DLG2: variants seen among roughly 807,000 people sequenced by gnomAD.
DLG2 encodes the protein discs large MAGUK scaffold protein 2.
A neutral mutation model predicts 132.5 loss-of-function variants in DLG2; 45 were observed. The observed-to-expected ratio is 0.34, with a 90% CI of 0.27 to 0.44. The LOEUF (loss-of-function observed/expected upper bound fraction) is 0.44. Ranked by LOEUF, DLG2 falls within the 20% of genes least tolerant of loss-of-function variation. The pLI, the probability that DLG2 is intolerant of heterozygous loss-of-function variation, is 1.00. For synonymous variants in DLG2, 424 were observed against 419.6 expected (o/e 1.01, Z -0.13); for missense variants, 1,045 against 1,196.9 (o/e 0.87, Z 1.87).
At chr11:84,959,553 T>C (rs925524751) in intron 6 of DLG2, among the ~76,000 whole-genome samples, 37 of 152,216 alleles carry the variant, frequency 2.4e-4, no homozygotes, top group African/African-American at 8.9e-4. Flanking sequence ...AGTCTTTTAC[T>C]TCTGCAGATC....
At chr11:84,943,038 C>T (rs1489234017) in intron 6 of DLG2, among the ~76,000 whole-genome samples, 1 of 151,916 alleles carries the variant, frequency 6.6e-6, no homozygotes, top group African/African-American at 2.4e-5. Context: ...AGTATAGTGA[C>T]TCCTGCTCTT....
chr11:84,410,875 C>T (rs2098898555), intron 7 of DLG2, among the ~76,000 whole-genome samples: 1 of 152,120 alleles, frequency 6.6e-6, no homozygotes, highest in South Asian at 2.1e-4. Flanking sequence ...CCACCGCACC[C>T]AGCCAAGTTA....
rs372757757 is a variant in DLG2 at position 84,739,825 on chromosome 11, T to C, written c.358-205094A>G. On this transcript the variant is annotated intron_variant, in intron 6 of 27. Transcript: ENST00000376104. Reference sequence around the variant, plus strand: ...CAAAACTATCTCACCTCTATGGGCATTGAAACTTATTTGAATAATATTTTA... The same window carrying C: ...CAAAACTATCTCACCTCTATGGGCACTGAAACTTATTTGAATAATATTTTA... Among the ~76,000 whole-genome samples the C allele has an allele frequency of 5.3e-5, 8 of 152,172 alleles. No individual in the cohort carries two copies. The East Asian group carries it at 1.2e-3, about 22-fold the overall frequency.
intron 2 of DLG2, among the ~76,000 whole-genome samples, chr11:85,619,709 C>T (rs1226383110): frequency 6.6e-6 from 1 of 152,064 alleles, no homozygotes; most frequent in East Asian, 1.9e-4. Flanking sequence ...TGGCAGGCGC[C>T]TGTAATCCCA....
rs1333124673 is a variant in DLG2, at chr11:83,623,234, C to T, written c.1940+9977G>A. Among the ~76,000 whole-genome samples the T allele has an allele frequency of 2.0e-5, 3 of 151,972 alleles. No homozygotes were observed. In the East Asian group the frequency reaches 5.8e-4, roughly 29 times the overall value. ...ATTTTATTTGATATAAGAATAGTGA[C>T]TCTGGTTAAATAATTTTTGAAAATT... is the stretch of plus-strand genomic sequence containing the variant. On this transcript the variant is annotated intron_variant, in intron 19 of 27. Transcript: ENST00000376104.
At chr11:83,986,996 C>T (rs552103497) in intron 11 of DLG2, among the ~76,000 whole-genome samples, 1 of 152,130 alleles carries the variant, frequency 6.6e-6, no homozygotes, top group South Asian at 2.1e-4. Flanking sequence ...AAAATTTTCT[C>T]CCATTTTGTA....
intron 7 of DLG2, among the ~76,000 whole-genome samples, chr11:84,373,268 A>AAAAAAAAAAAAAAAAAAAAAAAAAAAAC (rs1567449347): frequency 1.5e-5 from 2 of 135,742 alleles, no homozygotes; most frequent in Non-Finnish European, 3.1e-5. Context: ...AAAAAAACAA[A>AAAAAAAAAAAAAAAAAAAAAAAAAAAAC]ACAAAAAAAA....
chr11:85,328,938 A>G lies in DLG2; in HGVS notation c.41-43573T>C, dbSNP rs1169003512. Reference sequence around the variant, plus strand: ...CAACTTCAGCAAAGTCTCAGGCTACAAAATCAATGTACAAAAATCACAAGC... The same window carrying G: ...CAACTTCAGCAAAGTCTCAGGCTACGAAATCAATGTACAAAAATCACAAGC... On this transcript the variant is annotated intron_variant, in intron 3 of 27. Coordinates refer to ENST00000376104, the MANE Select transcript of DLG2 (RefSeq NM_001142699.3). Among the ~76,000 whole-genome samples, 5 of 120,014 alleles carry G rather than the reference A, an allele frequency of 4.2e-5. No individual in the cohort carries two copies. The East Asian group carries it at 1.2e-3, about 30-fold the overall frequency. 78.7% of individuals were successfully genotyped at this position (120,014 alleles called of 152,430 possible).
chr11:84,742,966 G>T (rs372861281), intron 6 of DLG2, among the ~76,000 whole-genome samples: 330 of 152,106 alleles, frequency 2.2e-3, no homozygotes, highest in African/African-American at 7.7e-3. Context: ...TAAAGCTGTT[G>T]TAATTTTTTT....
At chr11:84,866,875 C>A (rs1346626831) in intron 6 of DLG2, among the ~76,000 whole-genome samples, 1 of 152,188 alleles carries the variant, frequency 6.6e-6, no homozygotes, top group Non-Finnish European at 1.5e-5. Flanking sequence ...CAAGTCTTGA[C>A]TCAAAAGTTA....
chr11:85,542,008 T>C (rs1402270879), intron 3 of DLG2, among the ~76,000 whole-genome samples: 2 of 151,988 alleles, frequency 1.3e-5, no homozygotes, highest in African/African-American at 4.8e-5. Context: ...TTTAGAAGAG[T>C]AAGGGGGAAA....
At chr11:83,535,185 C>A (rs561012263) in intron 20 of DLG2, among the ~76,000 whole-genome samples, 1 of 152,262 alleles carries the variant, frequency 6.6e-6, no homozygotes, top group East Asian at 1.9e-4. Context: ...TCTTTGTATT[C>A]TTCTAAAACT....
At position 83,965,360 on chromosome 11, in the gene DLG2, T is replaced by C; in HGVS notation, c.1165A>G (p.Met389Val). The change falls in exon 13 of 28, where the codon ATG becomes GTG. Residue 389 changes from methionine (M) to valine (V), a missense_variant. Transcript: ENST00000376104. Reference protein sequence around the residue: ...LKVGKPTTIYMTDPYGPPDIT... With the variant: ...LKVGKPTTIYVTDPYGPPDIT... Reference sequence around the variant, plus strand: ...TCAGGTGGACCATAAGGATCAGTCATATAAATGGTAGTGGGTTTGCCAACT... The same window carrying C: ...TCAGGTGGACCATAAGGATCAGTCACATAAATGGTAGTGGGTTTGCCAACT... The C allele has an allele frequency of 6.2e-7, 1 of 1,612,332 alleles. No individual in the cohort carries two copies. The highest frequency in any genetic ancestry group is 8.5e-7 in the Non-Finnish European group (1 of 1,178,812).
chr11:85,150,693 C>A (rs2077186813), intron 5 of DLG2, among the ~76,000 whole-genome samples: 1 of 140,478 alleles, frequency 7.1e-6, no homozygotes, highest in African/African-American at 2.7e-5. Flanking sequence ...GTTCCTAAGG[C>A]TACATAGTGT....
At chr11:83,840,343 A>G (rs1228988706) in intron 16 of DLG2, among the ~76,000 whole-genome samples, 1 of 152,212 alleles carries the variant, frequency 6.6e-6, no homozygotes, top group Non-Finnish European at 1.5e-5. Context: ...AACTCAGGAA[A>G]TAGGTATTAA....
At chr11:85,614,400 A>T (rs2081206662) in intron 2 of DLG2, among the ~76,000 whole-genome samples, 1 of 151,850 alleles carries the variant, frequency 6.6e-6, no homozygotes, top group African/African-American at 2.4e-5. Flanking sequence ...CCAGCACTTG[A>T]GGAGGCTGAG....
At chr11:85,569,220 C>T (rs187336169) in intron 3 of DLG2, among the ~76,000 whole-genome samples, 120 of 152,038 alleles carry the variant, frequency 7.9e-4, no homozygotes, top group African/African-American at 2.6e-3. Context: ...TTAGTAGAGA[C>T]GAGGTTTTGC....
chr11:83,772,590 A>G (rs561103786), intron 18 of DLG2, among the ~76,000 whole-genome samples: 20 of 151,910 alleles, frequency 1.3e-4, no homozygotes, highest in Admixed American at 1.1e-3. Context: ...AAGAAAAGAG[A>G]GAGAGGAAGA....
chr11:83,850,476 G>A (rs751332311), intron 16 of DLG2, among the ~76,000 whole-genome samples: 5 of 152,070 alleles, frequency 3.3e-5, no homozygotes, highest in Non-Finnish European at 7.4e-5. Context: ...TAATAGATAG[G>A]AGAGCACTGA....
Sources: allele counts gnomAD v4.1 joint callset (sites outside exome capture counted in the v4.1 genomes callset), GRCh38; gene constraint gnomAD v4.1.1; transcripts MANE v1.5; gene names NCBI Gene and HGNC (gene_info 2026-07-23, HGNC 2026-07-21).